Variants in TBC1D8B observed in about 807,000 individuals in gnomAD.
TBC1D8B encodes the protein RP11-321G1.1.
In TBC1D8B, 75 loss-of-function variants were observed where a neutral mutation model predicts 82.9. The observed-to-expected ratio is 0.90, with a 90% CI of 0.75 to 1.10. The LOEUF (loss-of-function observed/expected upper bound fraction) is 1.10, where lower values mean the gene tolerates loss of function less well. TBC1D8B is among the 50% of genes least tolerant of loss of function. TBC1D8B has a pLI of 0.00. For missense variants in TBC1D8B, 794 were observed against 796.9 expected (o/e 1.00, Z 0.04); for synonymous variants, 276 against 276.8 (o/e 1.00, Z 0.03).
rs146665788 is a variant in TBC1D8B at position 106,816,803 on chromosome X, C to T, written c.131-1860C>T. Among the ~76,000 whole-genome samples, 330 of 111,081 alleles carry T rather than the reference C, an allele frequency of 3.0e-3. 9 individuals are homozygous for T. In the East Asian group the frequency reaches 0.074, roughly 25 times the overall value. On this transcript the variant is annotated intron_variant, in intron 1 of 20. Coordinates refer to ENST00000357242, the MANE Select transcript of TBC1D8B (RefSeq NM_017752.3). ...CTTTTTATCAATTCCTGTATCTACT[C>T]TCCTATCCTTTCCTTTCAGCTAAGC... is the stretch of plus-strand genomic sequence containing the variant.
At chrX:106,872,902 G>C (rs1405973177) in intron 20 of TBC1D8B, among the ~76,000 whole-genome samples, 1 of 110,964 alleles carries the variant, frequency 9.0e-6, no homozygotes, top group Non-Finnish European at 1.9e-5. Context: ...CCCAGCAGTT[G>C]GAAGCTGCAG....
chrX:106,866,518 C>T (rs1932816099), intron 16 of TBC1D8B, among the ~76,000 whole-genome samples: 1 of 112,049 alleles, frequency 8.9e-6, no homozygotes, highest in Admixed American at 9.5e-5. Flanking sequence ...CTCTCCTGCA[C>T]AGGCCTCATT....
At chrX:106,826,919 T>C (rs1931864295) in intron 6 of TBC1D8B, among the ~76,000 whole-genome samples, 1 of 111,380 alleles carries the variant, frequency 9.0e-6, no homozygotes, top group African/African-American at 3.3e-5. Flanking sequence ...TGTTGGTATT[T>C]GATACTGAAT....
At chrX:106,859,208 A>G (rs1602434413) in intron 14 of TBC1D8B, among the ~76,000 whole-genome samples, 1 of 112,111 alleles carries the variant, frequency 8.9e-6, no homozygotes, top group East Asian at 2.8e-4. Context: ...CTGGTTCCAT[A>G]TGAATTTTCT....
intron 11 of TBC1D8B, 167 bp from the exon 12 acceptor site, chrX:106,849,858 T>C (rs1932550306): frequency 3.8e-6 from 4 of 1,046,814 alleles, no homozygotes; most frequent in African/African-American, 1.9e-5. Flanking sequence ...CTGAAGTACA[T>C]GACACTACTA....
At chrX:106,851,501 G>T (rs1340615268) in intron 12 of TBC1D8B, among the ~76,000 whole-genome samples, 3 of 111,436 alleles carry the variant, frequency 2.7e-5, no homozygotes, top group East Asian at 5.6e-4. Flanking sequence ...TGCCATGTTG[G>T]TGTGCTGCAC....
At position 106,823,481 on chromosome X, in the gene TBC1D8B, A is replaced by G. The variant is rs758498324; in HGVS notation, c.827+15A>G. The G allele has an allele frequency of 8.4e-7, 1 of 1,196,289 alleles. No homozygotes were observed. Among genetic ancestry groups the G allele is most frequent in the Non-Finnish European group, 1.1e-6 (1 of 886,544 alleles). ...ATCACCAAAAGGTATTCAAAGCTTA[A>G]TTTTTAGTTTTCAAAGTATTGTTTG... is the stretch of plus-strand genomic sequence containing the variant. On this transcript the variant is annotated intron_variant, in intron 5 of 20. Transcript: ENST00000357242.
At chrX:106,862,184 T>C (rs1932780567) in intron 14 of TBC1D8B, among the ~76,000 whole-genome samples, 1 of 111,931 alleles carries the variant, frequency 8.9e-6, no homozygotes, top group Non-Finnish European at 1.9e-5. Flanking sequence ...TTTTCTTTCA[T>C]GTTGACCTTG....
At position 106,826,377 on chromosome X, in the gene TBC1D8B, A is replaced by G. The variant is rs1931845281; in HGVS notation, c.1035+140A>G. On this transcript the variant is annotated intron_variant, in intron 6 of 20. Transcript: ENST00000357242. ...GTAATTTAAAATAATTATTCTTCAG[A>G]ATAAGAGTACAGCCTTCTGAGATAT... 7 of 513,303 alleles carry G rather than the reference A, an allele frequency of 1.4e-5. No individual in the cohort carries two copies. In the South Asian group the frequency reaches 2.6e-4, roughly 19 times the overall value. The allele number at this position is 513,303 out of a possible 1,213,427, so 42.3% of individuals were successfully genotyped here.
At chrX:106,811,470 A>G (rs1024002621) in intron 1 of TBC1D8B, among the ~76,000 whole-genome samples, 4 of 111,775 alleles carry the variant, frequency 3.6e-5, no homozygotes, top group Admixed American at 9.5e-5. Context: ...TGGAGGCTCC[A>G]GTGAGCTGAG....
chrX:106,845,493 C>A (rs1362339771), intron 10 of TBC1D8B, among the ~76,000 whole-genome samples: 1 of 93,130 alleles, frequency 1.1e-5, no homozygotes, highest in Non-Finnish European at 2.1e-5. Context: ...TGTTCCCCTT[C>A]CTGTGTCCAT....
rs758480840 is a variant in TBC1D8B at position 106,848,293 on chromosome X, T to C, written c.1827T>C (p.Arg609=). ...CERMLPDYFN[R]RIIGALVDQA... ...GAATGTTGCCTGATTATTTTAATCG[T>C]CGAATTATTGGTAAAAGAAAAACCA... The change falls in exon 11 of 21, where the codon CGT becomes CGC. Residue 609 remains arginine, a synonymous_variant. Coordinates refer to ENST00000357242, the MANE Select transcript of TBC1D8B (RefSeq NM_017752.3). 23 of 1,178,443 alleles carry C rather than the reference T, an allele frequency of 2.0e-5. No homozygotes were observed. The East Asian group carries it at 6.6e-4, about 34-fold the overall frequency.
chrX:106,861,182 G>A (rs373772557), intron 14 of TBC1D8B, among the ~76,000 whole-genome samples: 13 of 111,828 alleles, frequency 1.2e-4, no homozygotes, highest in African/African-American at 1.6e-4. Context: ...ATGTGCAGAC[G>A]AGAAGAATAT....
At position 106,840,764 on chromosome X, in the gene TBC1D8B, A is replaced by G; in HGVS notation, c.1599A>G (p.Glu533=). The G allele has an allele frequency of 8.3e-7, 1 of 1,210,860 alleles. No individual in the cohort carries two copies. The change falls in exon 10 of 21, where the codon GAA becomes GAG. Residue 533 remains glutamate (E), a synonymous_variant. Coordinates refer to ENST00000357242, the MANE Select transcript of TBC1D8B (RefSeq NM_017752.3). The part of the protein sequence containing the change: ...GTCNLATEEI[E]RDLRRSLPEH... ...GCAACTTGGCTACTGAAGAAATTGA[A>G]CGTGATTTACGTCGCTCTCTGCCTG...
At chrX:106,868,857 G>C (rs1932830203) in intron 18 of TBC1D8B, among the ~76,000 whole-genome samples, 1 of 112,039 alleles carries the variant, frequency 8.9e-6, no homozygotes, top group South Asian at 3.7e-4. Flanking sequence ...GTAGGAGACA[G>C]GGATGAGTCT....
intron 7 of TBC1D8B, among the ~76,000 whole-genome samples, chrX:106,835,265 TG>T (rs1237710029): frequency 8.9e-6 from 1 of 112,814 alleles, no homozygotes; most frequent in Admixed American, 9.3e-5. Context: ...CACTAAGGCT[TG>T]GGGCTTGCAC....
At chrX:106,838,770 T>C (rs1428519991) in intron 7 of TBC1D8B, among the ~76,000 whole-genome samples, 2 of 112,122 alleles carry the variant, frequency 1.8e-5, no homozygotes, top group African/African-American at 3.2e-5. Flanking sequence ...CAAGCTGAGC[T>C]GTGAATAAAA....
chrX:106,860,717 G>T (rs1200401546), intron 14 of TBC1D8B, among the ~76,000 whole-genome samples: 1 of 110,543 alleles, frequency 9.0e-6, no homozygotes, highest in African/African-American at 3.3e-5. Flanking sequence ...TTCATGTCTT[G>T]ATTTCATTCA....
Position 106,840,523 on chromosome X carries a change from G to C in TBC1D8B, c.1505-147G>C, listed in dbSNP as rs1932279078. 1.3e-5 allele frequency: 7 copies of C among 543,211 alleles called. No individual in the cohort carries two copies. The South Asian group carries it at 2.3e-4, about 18-fold the overall frequency. 44.8% of individuals were successfully genotyped at this position (543,211 alleles called of 1,213,427 possible). ...AATTAGTAGCTTGACATAGATTCTAGTGTAAAGCTCTTTTCTGTTTGTGCT... is the reference window on the plus strand; with the variant it reads ...AATTAGTAGCTTGACATAGATTCTACTGTAAAGCTCTTTTCTGTTTGTGCT... On this transcript the variant is annotated intron_variant, in intron 9 of 20. Coordinates refer to ENST00000357242, the MANE Select transcript of TBC1D8B (RefSeq NM_017752.3).
Sources: allele counts gnomAD v4.1 joint callset (sites outside exome capture counted in the v4.1 genomes callset), GRCh38; gene constraint gnomAD v4.1.1; transcripts MANE v1.5; gene names NCBI Gene and HGNC (gene_info 2026-07-23, HGNC 2026-07-21).